Variants in CSMD1 observed in about 807,000 individuals in gnomAD.
CSMD1 encodes the protein CUB and sushi domain-containing protein 1.
In CSMD1, 213 loss-of-function variants were observed where a neutral mutation model predicts 417.5. The ratio of observed to expected loss-of-function variants is 0.51; its 90% CI spans 0.46 to 0.57. The LOEUF (loss-of-function observed/expected upper bound fraction) is 0.57, where lower values mean the gene tolerates loss of function less well. Ranked by LOEUF, CSMD1 falls within the 20% of genes least tolerant of loss-of-function variation. The probability of loss-of-function intolerance (pLI) is 0.00; values close to 1 mark genes in which losing one functional copy is unlikely to be tolerated. For missense variants in CSMD1, 6,923 were observed against 4,529.7 expected (o/e 1.53, Z -15.17); for synonymous variants, 2,862 against 1,736.8 (o/e 1.65, Z -16.11).
intron 2 of CSMD1, among the ~76,000 whole-genome samples, chr8:4,429,868 A>G (rs7016056): frequency 0.35 from 53,413 of 151,726 alleles, 9,577 homozygotes; most frequent in South Asian, 0.44. Flanking sequence ...AAGTTCTATG[A>G]AATGAGGGAA....
intron 17 of CSMD1, among the ~76,000 whole-genome samples, chr8:3,391,721 C>T (rs1445804433): frequency 6.6e-6 from 1 of 152,172 alleles, no homozygotes; most frequent in African/African-American, 2.4e-5. Flanking sequence ...GCTCACATTG[C>T]CTTGTAGCAC....
At chr8:4,423,368 G>A (rs777537623) in intron 2 of CSMD1, among the ~76,000 whole-genome samples, 2 of 152,036 alleles carry the variant, frequency 1.3e-5, no homozygotes, top group Non-Finnish European at 2.9e-5. Context: ...AAACGTGCAA[G>A]GCACATAATG....
chr8:4,208,323 C>G (rs1159036142), intron 3 of CSMD1, among the ~76,000 whole-genome samples: 3 of 152,086 alleles, frequency 2.0e-5, no homozygotes, highest in East Asian at 1.9e-4. Context: ...GAAATAAAAG[C>G]AAATCAGGTC....
intron 5 of CSMD1, 62 bp downstream of exon 5, chr8:3,997,841 T>G: frequency 1.4e-6 from 2 of 1,400,798 alleles, no homozygotes; most frequent in Non-Finnish European, 2.0e-6. Context: ...TTGAAGCTCG[T>G]TGGGGGAAAA....
At chr8:4,578,822 A>T (rs1799268747) in intron 2 of CSMD1, among the ~76,000 whole-genome samples, 1 of 150,642 alleles carries the variant, frequency 6.6e-6, no homozygotes. Context: ...TCAAAAAAAA[A>T]AAAAAAACAA....
intron 7 of CSMD1, among the ~76,000 whole-genome samples, chr8:3,653,371 T>C (rs1245080056): frequency 6.6e-6 from 1 of 152,180 alleles, no homozygotes; most frequent in Non-Finnish European, 1.5e-5. Flanking sequence ...TGCAGAGGCA[T>C]GATCTCGGCT....
At chr8:3,607,146 C>T (rs902267872) in intron 8 of CSMD1, among the ~76,000 whole-genome samples, 3 of 152,012 alleles carry the variant, frequency 2.0e-5, no homozygotes, top group Admixed American at 2.0e-4. Context: ...GTTCTTTTTA[C>T]TTTCTAAACC....
At chr8:3,496,469 T>C (rs1049442820) in intron 10 of CSMD1, among the ~76,000 whole-genome samples, 5 of 152,216 alleles carry the variant, frequency 3.3e-5, no homozygotes, top group Admixed American at 6.5e-5. Flanking sequence ...TTATTTGAAA[T>C]CTTTCTACTT....
chr8:3,439,163 AAAAAGAAAAAG>A lies in CSMD1; in HGVS notation c.1561+29538_1561+29548del, dbSNP rs1814783696. 2.1e-5 allele frequency among the ~76,000 whole-genome samples: 3 copies of A among 142,454 alleles called. No homozygotes were observed. In the East Asian group the frequency reaches 6.0e-4, roughly 29 times the overall value. 93.5% of individuals were successfully genotyped at this position (142,454 alleles called of 152,430 possible). On this transcript the variant is annotated intron_variant, in intron 12 of 69. Transcript: ENST00000635120. ...AAAAAAAAAAAAAAACCAAGAAAAA[AAAAAGAAAAAG>A]AAAAAAATTGCCAAACTGTTTAAAA... is the stretch of plus-strand genomic sequence containing the variant.
At chr8:3,911,877 C>T (rs538297136) in intron 5 of CSMD1, among the ~76,000 whole-genome samples, 1 of 152,228 alleles carries the variant, frequency 6.6e-6, no homozygotes, top group Non-Finnish European at 1.5e-5. Flanking sequence ...GTTCCATCTT[C>T]TTACCTCCGT....
rs545404908 is a variant in CSMD1, at chr8:3,848,433, T to A, written c.819-94391A>T. Among the ~76,000 whole-genome samples the A allele has an allele frequency of 1.4e-4, 22 of 152,338 alleles. No individual in the cohort carries two copies. In the South Asian group the frequency reaches 3.5e-3, roughly 24 times the overall value. On this transcript the variant is annotated intron_variant, in intron 5 of 69. Coordinates refer to ENST00000635120, the MANE Select transcript of CSMD1 (RefSeq NM_033225.6). ...TTTTTAAAACACAATTAGGAGTTAT[T>A]TCAACTAATAGTTACTTAAGTTCTC...
intron 5 of CSMD1, among the ~76,000 whole-genome samples, chr8:3,960,040 G>C (rs1812217830): frequency 6.6e-6 from 1 of 152,166 alleles, no homozygotes; most frequent in Non-Finnish European, 1.5e-5. Context: ...AGCCTTCTGG[G>C]CATCTCAGGG....
rs1813841843 is a variant in CSMD1 at position 3,981,294 on chromosome 8, G to A, written c.818+16609C>T. ...CACTGATATGTGGGAGCTAAGCTAT[G>A]AGGACACAAAGGCAAAAGAATGATA... On this transcript the variant is annotated intron_variant, in intron 5 of 69. Coordinates refer to ENST00000635120, the MANE Select transcript of CSMD1 (RefSeq NM_033225.6). Among the ~76,000 whole-genome samples the A allele has an allele frequency of 2.0e-5, 3 of 152,126 alleles. No individual in the cohort carries two copies. The South Asian group carries it at 6.2e-4, about 32-fold the overall frequency.
intron 1 of CSMD1, among the ~76,000 whole-genome samples, chr8:4,843,954 G>A (rs1254627204): frequency 1.3e-5 from 2 of 152,124 alleles, no homozygotes; most frequent in Non-Finnish European, 2.9e-5. Context: ...AAGCTGTAAC[G>A]GAAAGTGTGT....
chr8:3,143,736 T>C (rs1317940306), intron 40 of CSMD1, among the ~76,000 whole-genome samples: 1 of 152,224 alleles, frequency 6.6e-6, no homozygotes, highest in Non-Finnish European at 1.5e-5. Flanking sequence ...TCTTCTGTTT[T>C]TGATAGATGA....
chr8:4,185,325 G>C (rs908213685), intron 3 of CSMD1, among the ~76,000 whole-genome samples: 112 of 152,000 alleles, frequency 7.4e-4, no homozygotes, highest in African/African-American at 2.4e-3. Flanking sequence ...TCTTAAAAAG[G>C]GCTCACAATA....
At chr8:4,500,789 A>G (rs1802220036) in intron 2 of CSMD1, among the ~76,000 whole-genome samples, 1 of 152,130 alleles carries the variant, frequency 6.6e-6, no homozygotes, top group African/African-American at 2.4e-5. Context: ...AGGTTTCTAA[A>G]AAGGAGGCAT....
chr8:4,855,008 G>C (rs932366581), intron 1 of CSMD1, among the ~76,000 whole-genome samples: 1 of 152,144 alleles, frequency 6.6e-6, no homozygotes, highest in African/African-American at 2.4e-5. Context: ...AGACTTAAAT[G>C]TCCCTGTCTG....
intron 4 of CSMD1, among the ~76,000 whole-genome samples, chr8:4,000,567 C>G (rs942743179): frequency 6.6e-6 from 1 of 152,200 alleles, no homozygotes; most frequent in Non-Finnish European, 1.5e-5. Flanking sequence ...GTGACTCATA[C>G]TCTACGTTGT....
Sources: gnomAD v4.1 joint callset for allele counts (sites outside exome capture counted in the v4.1 genomes callset) on GRCh38, gnomAD v4.1.1 for gene constraint, MANE v1.5 for transcripts, NCBI Gene and HGNC (gene_info 2026-07-23, HGNC 2026-07-21) for gene names.